Variants in MARCHF1 observed in about 807,000 individuals in gnomAD.
The protein encoded by MARCHF1 is membrane associated ring-CH-type finger 1.
In MARCHF1, 40 loss-of-function variants were observed where a neutral mutation model predicts 54.2. The observed-to-expected ratio is 0.74, with a 90% CI of 0.57 to 0.96. MARCHF1 has a LOEUF of 0.96. Among genes scored for constraint, MARCHF1 ranks in the 40% least tolerant of loss-of-function variants. The probability of loss-of-function intolerance (pLI) is 0.00; values close to 1 mark genes in which losing one functional copy is unlikely to be tolerated. For missense variants in MARCHF1, 586 were observed against 656.5 expected, an observed-to-expected ratio of 0.89 and a Z score of 1.17; for synonymous variants, 236 against 236.3, an observed-to-expected ratio of 1.00 and a Z score of 0.01.
At chr4:164,109,954 A>G (rs1478004769) in intron 2 of MARCHF1, among the ~76,000 whole-genome samples, 1 of 148,506 alleles carries the variant, frequency 6.7e-6, no homozygotes, top group African/African-American at 2.5e-5. Context: ...TAAATTCACC[A>G]CTGATAGAAC....
intron 4 of MARCHF1, among the ~76,000 whole-genome samples, chr4:163,734,881 T>C (rs1745987628): frequency 6.6e-6 from 1 of 152,196 alleles, no homozygotes; most frequent in African/African-American, 2.4e-5. Flanking sequence ...CAAATCACTC[T>C]TCTGCTCATT....
intron 2 of MARCHF1, among the ~76,000 whole-genome samples, chr4:164,039,213 A>T (rs1451581862): frequency 1.3e-5 from 2 of 152,218 alleles, no homozygotes; most frequent in Non-Finnish European, 2.9e-5. Flanking sequence ...CACATGCAGT[A>T]GCATTTACTA....
At chr4:163,874,128 G>T (rs1269606605) in intron 3 of MARCHF1, among the ~76,000 whole-genome samples, 6 of 152,172 alleles carry the variant, frequency 3.9e-5, no homozygotes, top group African/African-American at 1.2e-4. Context: ...AAGAGATAGA[G>T]GCACTAAAGC....
Position 164,144,317 on chromosome 4 carries a change from G to A in MARCHF1, c.-322-32655C>T, listed in dbSNP as rs1373797115. On this transcript the variant is annotated intron_variant, in intron 1 of 9. Coordinates refer to ENST00000514618, the MANE Select transcript of MARCHF1 (RefSeq NM_001394959.1). ...AATTGAACTCAGCTCTGCACCAAGG[G>A]GACCTAATAGACATCTACAGAACTC... Among the ~76,000 whole-genome samples the A allele has an allele frequency of 1.9e-3, 287 of 151,132 alleles. 1 individual carries two copies. Among genetic ancestry groups the A allele is most frequent in the African/African-American group, 6.8e-3 (276 of 40,856 alleles).
At chr4:164,032,211 A>C (rs1274099066) in intron 2 of MARCHF1, among the ~76,000 whole-genome samples, 1 of 151,664 alleles carries the variant, frequency 6.6e-6, no homozygotes, top group Non-Finnish European at 1.5e-5. Flanking sequence ...TGTCTATTTG[A>C]TTCTTCGCTC....
chr4:163,986,249 C>CTTCTTTTTTTTTT (rs1752864721), intron 3 of MARCHF1, among the ~76,000 whole-genome samples: 1 of 28,830 alleles, frequency 3.5e-5, no homozygotes, highest in Non-Finnish European at 7.7e-5. Flanking sequence ...TTAACCTCTT[C>CTTCTTTTTTTTTT]TTTTTTTTTT....
chr4:163,963,620 A>G (rs906771635), intron 3 of MARCHF1, among the ~76,000 whole-genome samples: 2 of 151,896 alleles, frequency 1.3e-5, no homozygotes, highest in Non-Finnish European at 2.9e-5. Context: ...CACACCCACA[A>G]TTCCCTTCCC....
At chr4:163,568,639 A>G (rs1277411667) in intron 8 of MARCHF1, among the ~76,000 whole-genome samples, 3 of 152,120 alleles carry the variant, frequency 2.0e-5, no homozygotes, top group South Asian at 4.1e-4. Flanking sequence ...CTTCTTCAGG[A>G]GCTGAGTGGC....
intron 3 of MARCHF1, among the ~76,000 whole-genome samples, chr4:163,946,748 T>C (rs930279506): frequency 2.0e-5 from 3 of 152,220 alleles, no homozygotes; most frequent in African/African-American, 4.8e-5. Flanking sequence ...ATTGTGGCCA[T>C]GGTTTTAAAG....
At chr4:164,280,377 T>C (rs908858940) in intron 1 of MARCHF1, among the ~76,000 whole-genome samples, 1 of 151,902 alleles carries the variant, frequency 6.6e-6, no homozygotes, top group African/African-American at 2.4e-5. Context: ...TGGAATTGCA[T>C]AGAAAGAGAG....
intron 1 of MARCHF1, among the ~76,000 whole-genome samples, chr4:164,244,043 A>G (rs1732862658): frequency 6.6e-6 from 1 of 152,148 alleles, no homozygotes; most frequent in Non-Finnish European, 1.5e-5. Flanking sequence ...CATTAGACAG[A>G]TCAACGAGAC....
chr4:164,183,878 T>C (rs912202662), intron 1 of MARCHF1, among the ~76,000 whole-genome samples: 4 of 152,086 alleles, frequency 2.6e-5, no homozygotes, highest in Non-Finnish European at 4.4e-5. Flanking sequence ...ATAATCATCA[T>C]GGGAAAGTGA....
chr4:163,962,765 C>A (rs906658261), intron 3 of MARCHF1, among the ~76,000 whole-genome samples: 1 of 151,730 alleles, frequency 6.6e-6, no homozygotes, highest in Non-Finnish European at 1.5e-5. Flanking sequence ...AGTATAAATT[C>A]AAATCTTCTT....
At chr4:164,316,064 T>C (rs987848610) in intron 1 of MARCHF1, among the ~76,000 whole-genome samples, 2 of 152,120 alleles carry the variant, frequency 1.3e-5, no homozygotes, top group Non-Finnish European at 2.9e-5. Flanking sequence ...CAATGGGTTA[T>C]TGCGCTGACA....
At chr4:163,717,496 C>G (rs1341890757) in intron 4 of MARCHF1, among the ~76,000 whole-genome samples, 1 of 151,950 alleles carries the variant, frequency 6.6e-6, no homozygotes, top group Non-Finnish European at 1.5e-5. Flanking sequence ...TTTTGTAATC[C>G]TTTGGGTATA....
chr4:163,790,904 T>G (rs1351298597), intron 4 of MARCHF1, among the ~76,000 whole-genome samples: 1 of 152,098 alleles, frequency 6.6e-6, no homozygotes, highest in East Asian at 1.9e-4. Flanking sequence ...GGGCAAGTAT[T>G]TATGTCAGGA....
chr4:164,218,883 C>T (rs1319977308), intron 1 of MARCHF1, among the ~76,000 whole-genome samples: 3 of 149,376 alleles, frequency 2.0e-5, no homozygotes, highest in Admixed American at 6.7e-5. Flanking sequence ...CAGTAGATAA[C>T]GAGCCTTTGG....
intron 3 of MARCHF1, among the ~76,000 whole-genome samples, chr4:163,979,584 G>C (rs1262048037): frequency 6.6e-6 from 1 of 151,022 alleles, no homozygotes; most frequent in African/African-American, 2.4e-5. Flanking sequence ...CTAGATCCCT[G>C]AGGAATCGCC....
chr4:164,200,963 C>T (rs566077232), intron 1 of MARCHF1, among the ~76,000 whole-genome samples: 100 of 152,016 alleles, frequency 6.6e-4, no homozygotes, highest in Admixed American at 2.2e-3. Context: ...TGGAAACAGA[C>T]TAACAGAAAG....
Sources: allele counts gnomAD v4.1 joint callset (sites outside exome capture counted in the v4.1 genomes callset), GRCh38; gene constraint gnomAD v4.1.1; transcripts MANE v1.5; gene names NCBI Gene and HGNC (gene_info 2026-07-23, HGNC 2026-07-21).